Variants in MOV10 observed in about 807,000 individuals in gnomAD.
The protein encoded by MOV10 is Mov10 RNA helicase, also known as RNA helicase MOV-10.
MOV10 carries 39 observed loss-of-function variants against 108.4 expected under a neutral mutation model. The observed-to-expected ratio is 0.36, with a 90% CI of 0.28 to 0.47. The LOEUF (loss-of-function observed/expected upper bound fraction) is 0.47, where lower values mean the gene tolerates loss of function less well. Ranked by LOEUF, MOV10 falls within the 20% of genes least tolerant of loss-of-function variation. The pLI, the probability that MOV10 is intolerant of heterozygous loss-of-function variation, is 1.00. For synonymous variants in MOV10, 490 were observed against 523.1 expected (o/e 0.94, Z 0.86); for missense variants, 952 against 1,297.6 (o/e 0.73, Z 4.09).
chr1:112,694,576 C>T lies in MOV10; in HGVS notation c.1419C>T (p.Leu473=). 6.2e-7 allele frequency: 1 copy of T among 1,613,532 alleles called. No individual in the cohort carries two copies. ...LTGRWLLWPM[L]FPVAPRDVPL... is the part of the protein sequence containing the mutation. ...GGCGCTGGCTGCTGTGGCCCATGCT[C>T]TTTCCTGTGGCACCTCGGGACGTCC... Residue 473 remains leucine, a synonymous_variant, in exon 9 of 21, where the codon CTC becomes CTT. Transcript: ENST00000369645. The surrounding 1 kb of genome is among the most constrained non-coding windows in gnomAD (Gnocchi z 4.1).
At position 112,692,917 on chromosome 1, in the gene MOV10, G is replaced by T. The variant is rs201675777; in HGVS notation, c.1128G>T (p.Leu376=). 1.7e-5 allele frequency: 28 copies of T among 1,610,022 alleles called. No homozygotes were observed. In the Admixed American group the frequency reaches 3.5e-4, roughly 20 times the overall value. ...TWDPVDQNPR[L]LTLEVPGVTE... is the part of the protein sequence containing the mutation. ...ACCCTGTGGACCAGAACCCCAGGCT[G>T]CTCACGCTGGAGGTCAGGGCTCAGA... The change falls in exon 7 of 21, where the codon CTG becomes CTT. Residue 376 remains leucine, a synonymous_variant. Transcript: ENST00000369645.
In MOV10 at chr1:112,700,626, AC is replaced by A; in HGVS notation, c.*122del. On this transcript the variant is annotated 3_prime_UTR_variant, in exon 21 of 21. Transcript: ENST00000369645. ...GGAAGGCTGGGGGAGGGAGTTTACAACCCAAGCCATTCCACCCCCTCCCCTG... is the reference window on the plus strand; with the variant it reads ...GGAAGGCTGGGGGAGGGAGTTTACAACCAAGCCATTCCACCCCCTCCCCTG... The A allele has an allele frequency of 6.5e-7, 1 of 1,548,036 alleles. No individual in the cohort carries two copies. The highest frequency in any genetic ancestry group is 2.0e-5 in the Admixed American group (1 of 50,206).
In MOV10 at chr1:112,694,133, A is replaced by G. The variant is rs1446673879; in HGVS notation, c.1256A>G (p.Lys419Arg). The G allele has an allele frequency of 6.2e-7, 1 of 1,614,090 alleles. No homozygotes were observed. Among genetic ancestry groups the G allele is most frequent in the East Asian group, 2.2e-5 (1 of 44,866 alleles). ...ATCACATATAAGGGCTTTGTGCACA[A>G]GGTGGAATTGGACCGTGTCAAGCTG... Reference protein sequence around the residue: ...DPITYKGFVHKVELDRVKLSF... With the variant: ...DPITYKGFVHRVELDRVKLSF... The change falls in exon 8 of 21, where the codon AAG becomes AGG. Residue 419 changes from lysine (K) to arginine (R), a missense_variant. By Grantham distance (26) the Lys-to-Arg change is conservative. Transcript: ENST00000369645. The surrounding 1 kb of genome is among the most constrained non-coding windows in gnomAD (Gnocchi z 4.1).
intron 2 of MOV10, chr1:112,687,047 T>TA (rs1489218093): frequency 4.4e-6 from 2 of 456,464 alleles, no homozygotes; most frequent in Middle Eastern, 3.3e-4. Flanking sequence ...CTCCCCTGCT[T>TA]AAAACCCACC....
At chr1:112,680,427 T>C (rs957434811) in intron 2 of MOV10, among the ~76,000 whole-genome samples, 6 of 151,752 alleles carry the variant, frequency 4.0e-5, no homozygotes, top group Non-Finnish European at 8.8e-5. Context: ...GAGGCAGAGG[T>C]GGGCGGATCA....
At chr1:112,697,863 G>A (rs1674249941) in intron 14 of MOV10, 131 bp from the exon 15 acceptor site, 14 of 724,616 alleles carry the variant, frequency 1.9e-5, no homozygotes, top group African/African-American at 3.5e-5. Flanking sequence ...TTATGGAGGA[G>A]TGTCCTGCTA....
At position 112,700,034 on chromosome 1, in the gene MOV10, G is replaced by T. The variant is rs376253118; in HGVS notation, c.2798+52G>T. 122 of 1,606,032 alleles carry T rather than the reference G, an allele frequency of 7.6e-5. 1 individual carries two copies. In the Middle Eastern group the frequency reaches 8.3e-4, roughly 11 times the overall value. On this transcript the variant is annotated intron_variant, in intron 19 of 20. Transcript: ENST00000369645. ...CTTAGTGGCCACAGCCCCTGCCTAGGGCAGGTGGATCTTTTTTAAGCGCTT... is the reference window on the plus strand; with the variant it reads ...CTTAGTGGCCACAGCCCCTGCCTAGTGCAGGTGGATCTTTTTTAAGCGCTT...
chr1:112,689,789 G>A, intron 4 of MOV10, 51 bp from the exon 5 acceptor site: 3 of 1,598,772 alleles, frequency 1.9e-6, no homozygotes, highest in South Asian at 2.3e-5. Flanking sequence ...CCGGGATAAG[G>A]ATATGGGTGG....
chr1:112,692,628 C>G, intron 6 of MOV10, 133 bp from the exon 7 acceptor site: 1 of 1,250,482 alleles, frequency 8.0e-7, no homozygotes, highest in South Asian at 1.5e-5. Flanking sequence ...CTTCTGTATC[C>G]CTCTAGTCTT....
Position 112,675,271 on chromosome 1 carries a change from CA to C in MOV10, c.137+224del, listed in dbSNP as rs1010602279. 6.6e-6 allele frequency among the ~76,000 whole-genome samples: 1 copy of C among 151,914 alleles called. No homozygotes were observed. The highest frequency in any genetic ancestry group is 1.5e-5 in the Non-Finnish European group (1 of 67,964). Reference sequence around the variant, plus strand: ...TTCTGCCCGAGCTGGGCCCCTGCGCCAAGTCGCCGCGGAGAGCCTCCCGCGC... The same window carrying C: ...TTCTGCCCGAGCTGGGCCCCTGCGCCAGTCGCCGCGGAGAGCCTCCCGCGC... On this transcript the variant is annotated intron_variant, in intron 2 of 20. Transcript: ENST00000369645. The surrounding 1 kb of genome is among the most constrained non-coding windows in gnomAD (Gnocchi z 4.7).
At position 112,689,451 on chromosome 1, in the gene MOV10, G is replaced by C. The variant is rs1272806142; in HGVS notation, c.378G>C (p.Val126=). 1 of 1,609,154 alleles carries C rather than the reference G, an allele frequency of 6.2e-7. No individual in the cohort carries two copies. Among genetic ancestry groups the C allele is most frequent in the Non-Finnish European group, 8.5e-7 (1 of 1,177,098 alleles). The part of the protein sequence containing the change: ...EYLHGKHGVD[V]EVQGPHEARD... ...TTCATGGGAAACATGGTGTGGATGTGGAAGTCCAGGGGCCCCATGAAGCCC... is the reference window on the plus strand; with the variant it reads ...TTCATGGGAAACATGGTGTGGATGTCGAAGTCCAGGGGCCCCATGAAGCCC... The change falls in exon 4 of 21, where the codon GTG becomes GTC. Residue 126 remains valine (V), a synonymous_variant. Transcript: ENST00000369645.
intron 2 of MOV10, among the ~76,000 whole-genome samples, chr1:112,680,078 C>A (rs1003932160): frequency 6.6e-6 from 1 of 152,016 alleles, no homozygotes; most frequent in East Asian, 1.9e-4. Flanking sequence ...AAAAACACAC[C>A]ATGATGCATT....
chr1:112,677,238 A>G (rs573637612), intron 2 of MOV10, among the ~76,000 whole-genome samples: 3 of 152,204 alleles, frequency 2.0e-5, no homozygotes, highest in Non-Finnish European at 4.4e-5. Context: ...AAATAGAAAA[A>G]TCAGACAGTA....
chr1:112,698,078 A>C lies in MOV10; in HGVS notation c.2283A>C (p.Glu761Asp), dbSNP rs780063037. 4 of 1,614,170 alleles carry C rather than the reference A, an allele frequency of 2.5e-6. No homozygotes were observed. Among genetic ancestry groups the C allele is most frequent in the Non-Finnish European group, 3.4e-6 (4 of 1,180,026 alleles). ...CCTGTGCTGATGTCGTGGATCGAGAACGCTTCTGCCGCTGGGCGGGCCTAC... is the reference window on the plus strand; with the variant it reads ...CCTGTGCTGATGTCGTGGATCGAGACCGCTTCTGCCGCTGGGCGGGCCTAC... ...LQACADVVDRERFCRWAGLPR... is the reference protein window; with the variant it reads ...LQACADVVDRDRFCRWAGLPR... Residue 761 changes from glutamate (E) to aspartate (D), a missense_variant, in exon 15 of 21, where the codon GAA (glutamate) becomes GAC (aspartate). Glu to Asp is a conservative substitution (Grantham distance 45, BLOSUM62 2). Transcript: ENST00000369645.
chr1:112,698,447 G>T lies in MOV10; in HGVS notation c.2477G>T (p.Ser826Ile). 1 of 1,614,112 alleles carries T rather than the reference G, an allele frequency of 6.2e-7. No individual in the cohort carries two copies. Among genetic ancestry groups the T allele is most frequent in the South Asian group, 1.1e-5 (1 of 91,086 alleles). The change falls in exon 16 of 21, where the codon AGT becomes ATT. Residue 826 changes from serine to isoleucine, a missense_variant. Physicochemically the swap from Ser to Ile is moderately radical, Grantham distance 142. Transcript: ENST00000369645. Reference protein sequence around the residue: ...KKGKARLSPRSVGVISPYRKQ... With the variant: ...KKGKARLSPRIVGVISPYRKQ... ...GGCAAAGCTCGCCTGAGCCCTCGAA[G>T]TGTGGGCGTCATCTCCCCGTACCGG...
rs1275211826 is a variant in MOV10 at position 112,699,619 on chromosome 1, TC to T, written c.2584-63del. On this transcript the variant is annotated intron_variant, in intron 17 of 20. Transcript: ENST00000369645. ...TCTGTACCCTCCTTGGAAGGCAAGC[TC>T]CCTGGGGTAGGGCACCCCTTTGACA... The T allele has an allele frequency of 2.4e-5, 39 of 1,604,480 alleles. No individual in the cohort carries two copies. In the East Asian group the frequency reaches 8.5e-4, roughly 35 times the overall value.
chr1:112,674,775 C>T, intron 1 of MOV10, 46 bp downstream of exon 1: 1 of 806,852 alleles, frequency 1.2e-6, no homozygotes, highest in Non-Finnish European at 1.9e-6. Flanking sequence ...AGAAGGGAGC[C>T]CGCAGGATCA....
Position 112,689,497 on chromosome 1 carries a change from C to T in MOV10, c.424C>T (p.Arg142Cys), listed in dbSNP as rs758746811. ...AGCCCGAGATGGGCAGCTCCTTATC[C>T]GCCTGGATTTGAACCGCAAAGAGGT... ...HEARDGQLLI[R>C]LDLNRKEVLT... is the part of the protein sequence containing the mutation. The change falls in exon 4 of 21, where the codon CGC becomes TGC. Residue 142 changes from arginine to cysteine, a missense_variant. Transcript: ENST00000369645. 9.9e-6 allele frequency: 16 copies of T among 1,613,946 alleles called. No individual in the cohort carries two copies. Among genetic ancestry groups the T allele is most frequent in the East Asian group, 2.2e-5 (1 of 44,878 alleles).
rs1674155047 is a variant in MOV10 at position 112,696,938 on chromosome 1, T to C, written c.2198+92T>C. The C allele has an allele frequency of 2.7e-6, 3 of 1,094,162 alleles. No individual in the cohort carries two copies. The South Asian group carries it at 4.4e-5, about 16-fold the overall frequency. The allele number at this position is 1,094,162 out of a possible 1,614,324, so 67.8% of individuals were successfully genotyped here. On this transcript the variant is annotated intron_variant, in intron 14 of 20. Coordinates refer to ENST00000369645, the MANE Select transcript of MOV10 (RefSeq NM_001321324.2). ...GGAGAGTCTGGCTTGCTGTCAGTCC[T>C]GTTGCTCAGAGGTTGTGTGATGCAG... is the stretch of plus-strand genomic sequence containing the variant.
Sources: gnomAD v4.1 joint callset for allele counts (sites outside exome capture counted in the v4.1 genomes callset) on GRCh38, gnomAD v4.1.1 for gene constraint, Gnocchi (gnomAD v3.1) non-coding constraint, MANE v1.5 for transcripts, NCBI Gene and HGNC (gene_info 2026-07-23, HGNC 2026-07-21) for gene names.